The following PCDHGA1 variants were observed in gnomAD, a reference collection of about 807,000 sequenced individuals.
PCDHGA1 encodes protocadherin gamma subfamily A, 1.
PCDHGA1 carries 32 observed loss-of-function variants against 58.0 expected under a neutral mutation model. The observed-to-expected ratio is 0.55, with a 90% CI of 0.42 to 0.74. The LOEUF is 0.74. Ranked by LOEUF, PCDHGA1 falls within the 30% of genes least tolerant of loss-of-function variation. The pLI, the probability that PCDHGA1 is intolerant of heterozygous loss-of-function variation, is 0.00. For synonymous variants in PCDHGA1, 498 were observed against 501.1 expected (o/e 0.99, Z 0.08); for missense variants, 1,205 against 1,182.3 (o/e 1.02, Z -0.28).
intron 1 of PCDHGA1, chr5:141,413,353 C>A (rs2095629361): frequency 6.2e-7 from 1 of 1,613,962 alleles, no homozygotes; most frequent in East Asian, 2.2e-5. Context: ...GGGTCTGGCG[C>A]CCCGGGAGCT....
At position 141,432,379 on chromosome 5, in the gene PCDHGA1, G is replaced by A; in HGVS notation, c.2422-62428G>A. On this transcript the variant is annotated intron_variant, in intron 1 of 3. Transcript: ENST00000517417. The surrounding 1 kb of genome is among the most constrained non-coding windows in gnomAD (Gnocchi z 6.0). ...TGATGGCGCGGGACAACGGGCACCC[G>A]CCCCTCAGCAGCAACGTGTCGTTGA... 1.2e-6 allele frequency: 2 copies of A among 1,614,208 alleles called. No homozygotes were observed. The highest frequency in any genetic ancestry group is 1.7e-6 in the Non-Finnish European group (2 of 1,180,038).
chr5:141,355,399 G>C lies in PCDHGA1; in HGVS notation c.2421+22294G>C, dbSNP rs997655527. 1.9e-6 allele frequency: 3 copies of C among 1,613,968 alleles called. No individual in the cohort carries two copies. In the African/African-American group the frequency reaches 4.0e-5, roughly 22 times the overall value. On this transcript the variant is annotated intron_variant, in intron 1 of 3. Transcript: ENST00000517417. ...GCTGGCGGAGCGCGGAGTCCGCATC[G>C]TCTCCAGAGGTAGGACGCAGCTTTT... is the stretch of plus-strand genomic sequence containing the variant.
In PCDHGA1 at chr5:141,345,910, T is replaced by A. The variant is rs200807803; in HGVS notation, c.2421+12805T>A. ...TCGGTGGGTCTGCACACGGGCGAGG[T>A]GCGCACGGCGCGAGCCCTGCTGGAC... On this transcript the variant is annotated intron_variant, in intron 1 of 3. Coordinates refer to ENST00000517417, the MANE Select transcript of PCDHGA1 (RefSeq NM_018912.3). 37 of 1,609,936 alleles carry A rather than the reference T, an allele frequency of 2.3e-5. No individual in the cohort carries two copies. Among genetic ancestry groups the A allele is most frequent in the South Asian group, 3.3e-5 (3 of 90,810 alleles).
chr5:141,375,300 C>A lies in PCDHGA1; in HGVS notation c.2421+42195C>A, dbSNP rs374837091. On this transcript the variant is annotated intron_variant, in intron 1 of 3. Transcript: ENST00000517417. ...GTTGGCAATTATTATCGATTAGTGA[C>A]AAATGCAGCTCTAGACCGGGAAGAG... 1.3e-5 allele frequency: 21 copies of A among 1,613,664 alleles called. No homozygotes were observed. In the African/African-American group the frequency reaches 2.1e-4, roughly 16 times the overall value.
intron 2 of PCDHGA1, 179 bp downstream of exon 2, chr5:141,495,044 T>C (rs2099758475): frequency 1.1e-6 from 1 of 944,572 alleles, no homozygotes; most frequent in Non-Finnish European, 1.3e-6. Flanking sequence ...AAGAGGCGAC[T>C]GCCCTGACTG....
intron 1 of PCDHGA1, chr5:141,415,098 G>T (rs578221269): frequency 1.9e-5 from 31 of 1,613,588 alleles, no homozygotes; most frequent in African/African-American, 1.7e-4. Flanking sequence ...ACAGAGACGC[G>T]CTCAAGCAAA....
intron 1 of PCDHGA1, chr5:141,404,785 C>T (rs1028323734): frequency 1.9e-6 from 3 of 1,613,330 alleles, no homozygotes; most frequent in Admixed American, 1.7e-5. Context: ...TATTCAAGGC[C>T]AGTGAGCCAG....
At chr5:141,395,029 A>G (rs1589250627) in intron 1 of PCDHGA1, 1 of 1,613,976 alleles carries the variant, frequency 6.2e-7, no homozygotes, top group Non-Finnish European at 8.5e-7. Context: ...CCTGCCTCAC[A>G]TTTTGTGGGT....
Position 141,406,695 on chromosome 5 carries a change from A to T in PCDHGA1, c.2421+73590A>T, listed in dbSNP as rs62378452. Among the ~76,000 whole-genome samples, 1,219 of 152,310 alleles carry T rather than the reference A, an allele frequency of 8.0e-3. 8 individuals are homozygous for T. Among genetic ancestry groups the T allele is most frequent in the Non-Finnish European group, 0.011 (770 of 68,010 alleles). Reference sequence around the variant, plus strand: ...GAATAGTAGGACATTCTTCTTTTCTATAGTATATGCTTGCTCAAGAGAAGT... The same window carrying T: ...GAATAGTAGGACATTCTTCTTTTCTTTAGTATATGCTTGCTCAAGAGAAGT... On this transcript the variant is annotated intron_variant, in intron 1 of 3. Coordinates refer to ENST00000517417, the MANE Select transcript of PCDHGA1 (RefSeq NM_018912.3).
chr5:141,352,989 AAAAC>A (rs950182337), intron 1 of PCDHGA1, among the ~76,000 whole-genome samples: 9 of 152,344 alleles, frequency 5.9e-5, no homozygotes, highest in South Asian at 2.1e-4. Flanking sequence ...ACTGTCTAAA[AAAAC>A]AAACAAACAA....
At chr5:141,376,059 C>A (rs761483041) in intron 1 of PCDHGA1, 1 of 1,613,280 alleles carries the variant, frequency 6.2e-7, no homozygotes, top group Admixed American at 1.7e-5. Context: ...GCCACTGTCA[C>A]GCTCACCGTG....
At chr5:141,415,884 A>C in intron 1 of PCDHGA1, 1 of 981,534 alleles carries the variant, frequency 1.0e-6, no homozygotes, top group Non-Finnish European at 1.4e-6. Context: ...TACAATATTG[A>C]CAATTCCTAA....
chr5:141,394,987 T>G (rs2093144127), intron 1 of PCDHGA1: 1 of 1,613,874 alleles, frequency 6.2e-7, no homozygotes, highest in South Asian at 1.1e-5. Context: ...TCACGCCTGC[T>G]CCAGGATTCC....
intron 2 of PCDHGA1, 57 bp downstream of exon 2, chr5:141,494,922 C>G: frequency 6.2e-7 from 1 of 1,613,670 alleles, no homozygotes; most frequent in Admixed American, 1.7e-5. Context: ...TCAGGGATGA[C>G]GTGGGAGGAG....
At chr5:141,376,262 G>A (rs1417719002) in intron 1 of PCDHGA1, 2 of 1,614,108 alleles carry the variant, frequency 1.2e-6, no homozygotes, top group Admixed American at 1.7e-5. Context: ...CCTGCTGCAG[G>A]CTTCGGGAGG....
intron 1 of PCDHGA1, chr5:141,374,052 T>C (rs1770060748): frequency 1.4e-6 from 2 of 1,478,038 alleles, no homozygotes; most frequent in Non-Finnish European, 9.0e-7. Flanking sequence ...CTTCCTCTTC[T>C]TAATCCCAGA....
Position 141,485,842 on chromosome 5 carries a change from T to G in PCDHGA1, c.2422-8965T>G. 4 of 1,614,002 alleles carry G rather than the reference T, an allele frequency of 2.5e-6. No homozygotes were observed. The highest frequency in any genetic ancestry group is 3.4e-6 in the Non-Finnish European group (4 of 1,179,982). On this transcript the variant is annotated intron_variant, in intron 1 of 3. Coordinates refer to ENST00000517417, the MANE Select transcript of PCDHGA1 (RefSeq NM_018912.3). The surrounding 1 kb of genome is among the most constrained non-coding windows in gnomAD (Gnocchi z 5.7). ...TCGATGGAGGGAACCCGCCGAGATC[T>G]GGCACCGCAGAGCTCCGGGTATCCG...
intron 1 of PCDHGA1, among the ~76,000 whole-genome samples, chr5:141,466,036 G>C (rs981390655): frequency 1.3e-5 from 2 of 152,064 alleles, no homozygotes; most frequent in Non-Finnish European, 2.9e-5. Context: ...GCAGGAGAAC[G>C]GCATGAACCC....
chr5:141,377,257 C>CT (rs1361180220), intron 1 of PCDHGA1: 1 of 147,998 alleles, frequency 6.8e-6, no homozygotes, highest in Non-Finnish European at 1.5e-5. Context: ...AAGGTTCTTT[C>CT]TTTTTCTAAT....
Sources: allele counts gnomAD v4.1 joint callset (sites outside exome capture counted in the v4.1 genomes callset), GRCh38; gene constraint gnomAD v4.1.1; non-coding constraint Gnocchi (gnomAD v3.1); transcripts MANE v1.5; gene names NCBI Gene and HGNC (gene_info 2026-07-23, HGNC 2026-07-21).